Variants in SPMIP4 observed in about 807,000 individuals in gnomAD.
SPMIP4 encodes sperm-associated microtubule inner protein 4.
At chr7:25,135,907 G>C in the SPMIP4 span, 1 of 1,515,606 alleles carries the variant, frequency 6.6e-7, no homozygotes, top group East Asian at 2.3e-5. Flanking sequence ...GCAATACGAA[G>C]GAAATTCTGT....
the SPMIP4 span, chr7:25,161,358 T>TA: frequency 1.9e-6 from 1 of 530,874 alleles, no homozygotes; most frequent in African/African-American, 2.0e-5. Flanking sequence ...CATATCCACA[T>TA]ATATGTAGAA....
the SPMIP4 span, among the ~76,000 whole-genome samples, chr7:25,130,336 G>T: frequency 2.7e-5 from 4 of 147,260 alleles, no homozygotes; most frequent in South Asian, 2.1e-4. Context: ...TTTTGAGACG[G>T]AGTTTCGCTC....
the SPMIP4 span, chr7:25,161,330 A>G: frequency 1.0e-5 from 8 of 787,506 alleles, no homozygotes; most frequent in African/African-American, 1.4e-4. Context: ...AGATAGTAAA[A>G]GACAAATAGA....
At chr7:25,162,269 TCAA>T in the SPMIP4 span, among the ~76,000 whole-genome samples, 47,561 of 103,832 alleles carry the variant, frequency 0.46, 9,132 homozygotes, top group Middle Eastern at 0.64. Context: ...AAACTCTGTC[TCAA>T]AAAAAAAAAA....
chr7:25,150,398 A>G, the SPMIP4 span, among the ~76,000 whole-genome samples: 6 of 152,200 alleles, frequency 3.9e-5, no homozygotes, highest in African/African-American at 1.4e-4. Flanking sequence ...CTTCTTTTTG[A>G]CATTTAACTA....
chr7:25,142,503 A>G, the SPMIP4 span: 1 of 902,452 alleles, frequency 1.1e-6, no homozygotes, highest in African/African-American at 1.7e-5. Context: ...CACCCACCTT[A>G]ATTCTTATTT....
chr7:25,179,970 C>T, the SPMIP4 span: 1 of 152,536 alleles, frequency 6.6e-6, no homozygotes, highest in Non-Finnish European at 1.5e-5. Context: ...TCTGGACATA[C>T]CTGGGACATG....
At chr7:25,134,818 T>G in the SPMIP4 span, 2 of 985,408 alleles carry the variant, frequency 2.0e-6, no homozygotes, top group East Asian at 2.3e-4. Flanking sequence ...TTGCATTACA[T>G]ATTAAAGGCT....
the SPMIP4 span, among the ~76,000 whole-genome samples, chr7:25,132,605 G>C: frequency 3.1e-3 from 468 of 152,314 alleles, 4 homozygotes; most frequent in African/African-American, 0.01. This position sits in a 1 kb window ranked among gnomAD's most constrained non-coding sequence, Gnocchi z 5.0. Flanking sequence ...TTTGTGCACT[G>C]TTTCAGGGGA....
At chr7:25,137,482 A>G in the SPMIP4 span, among the ~76,000 whole-genome samples, 1 of 152,136 alleles carries the variant, frequency 6.6e-6, no homozygotes, top group Admixed American at 6.5e-5. Flanking sequence ...TGGCTTCAAC[A>G]ATAGAAATTT....
the SPMIP4 span, among the ~76,000 whole-genome samples, chr7:25,171,645 A>G: frequency 1.3e-5 from 2 of 152,242 alleles, no homozygotes; most frequent in African/African-American, 4.8e-5. Flanking sequence ...AGTGCTACAT[A>G]GAGGGTAAAT....
At chr7:25,171,369 A>ACT in the SPMIP4 span, among the ~76,000 whole-genome samples, 1 of 152,200 alleles carries the variant, frequency 6.6e-6, no homozygotes, top group South Asian at 2.1e-4. Context: ...GAGTAAGGCC[A>ACT]AAGAGATGGA....
the SPMIP4 span, chr7:25,142,650 A>G: frequency 3.7e-6 from 6 of 1,609,878 alleles, no homozygotes; most frequent in Non-Finnish European, 4.2e-6. Context: ...CTGTAAAATC[A>G]TGAGTGTACG....
At chr7:25,179,156 T>G in the SPMIP4 span, 1 of 1,579,006 alleles carries the variant, frequency 6.3e-7, no homozygotes, top group South Asian at 1.2e-5. Context: ...TTGTTTGCTT[T>G]TTCTAGTTTT....
the SPMIP4 span, among the ~76,000 whole-genome samples, chr7:25,165,543 C>T: frequency 6.6e-6 from 1 of 152,154 alleles, no homozygotes; most frequent in Admixed American, 6.5e-5. Flanking sequence ...ACCTCTGCCT[C>T]CTGGGTTTAA....
At chr7:25,155,180 C>A in the SPMIP4 span, 2 of 1,544,584 alleles carry the variant, frequency 1.3e-6, no homozygotes, top group East Asian at 2.3e-5. Flanking sequence ...TTGGATATGG[C>A]AAGCAGATCT....
At chr7:25,134,788 C>T in the SPMIP4 span, 1 of 985,390 alleles carries the variant, frequency 1.0e-6, no homozygotes, top group Non-Finnish European at 1.2e-6. Flanking sequence ...CTATATCTCC[C>T]TCACTTCAGA....
At chr7:25,155,023 A>C in the SPMIP4 span, 1 of 1,613,446 alleles carries the variant, frequency 6.2e-7, no homozygotes, top group Non-Finnish European at 8.5e-7. Flanking sequence ...CTTGTCTTCA[A>C]AACTGTTGAA....
chr7:25,136,867 C>T, the SPMIP4 span: 9 of 1,440,944 alleles, frequency 6.2e-6, no homozygotes, highest in African/African-American at 9.9e-5. The surrounding 1 kb of genome is among the most constrained non-coding windows in gnomAD (Gnocchi z 5.7). Context: ...AAAAGTCATA[C>T]CCATTTTCAT....
Sources: allele counts gnomAD v4.1 joint callset (sites outside exome capture counted in the v4.1 genomes callset), GRCh38; gene constraint gnomAD v4.1.1; non-coding constraint Gnocchi (gnomAD v3.1); transcripts MANE v1.5; gene names NCBI Gene and HGNC (gene_info 2026-07-23, HGNC 2026-07-21).